The following ANKRD26 variants were observed in gnomAD, a reference collection of about 807,000 sequenced individuals.
ANKRD26 encodes ankyrin repeat domain-containing protein 26.
In ANKRD26, 141 loss-of-function variants were observed where a neutral mutation model predicts 208.7. That is an observed-to-expected ratio of 0.68 (90% CI 0.59 to 0.78). The LOEUF (loss-of-function observed/expected upper bound fraction) is 0.78, where lower values mean the gene tolerates loss of function less well. Ranked by LOEUF, ANKRD26 falls within the 30% of genes least tolerant of loss-of-function variation. The pLI is 0.00. For synonymous variants in ANKRD26, 636 were observed against 660.4 expected (o/e 0.96, Z 0.57); for missense variants, 1,889 against 1,938.7 (o/e 0.97, Z 0.48).
chr10:27,038,407 T>A (rs1427235567), intron 21 of ANKRD26, among the ~76,000 whole-genome samples: 1 of 152,192 alleles, frequency 6.6e-6, no homozygotes, highest in African/African-American at 2.4e-5. Flanking sequence ...CCTATCACTT[T>A]GGGAGGCCGA....
intron 4 of ANKRD26, among the ~76,000 whole-genome samples, chr10:27,091,984 T>TA (rs3060811): frequency 0.033 from 4,591 of 139,638 alleles, 163 homozygotes; most frequent in East Asian, 0.16. Flanking sequence ...AGACTCCATG[T>TA]AAAAAAAAAA....
At chr10:26,953,426 T>C in the ANKRD26 span, among the ~76,000 whole-genome samples, 1 of 152,128 alleles carries the variant, frequency 6.6e-6, no homozygotes, top group East Asian at 1.9e-4. Context: ...AGTGGGACAC[T>C]GTCTCCAAAT....
intron 32 of ANKRD26, among the ~76,000 whole-genome samples, chr10:27,008,503 A>AACT (rs2052972195): frequency 6.6e-6 from 1 of 152,222 alleles, no homozygotes; most frequent in Non-Finnish European, 1.5e-5. Context: ...TGTATTAAGG[A>AACT]ACTACTAATG....
intron 27 of ANKRD26, among the ~76,000 whole-genome samples, chr10:27,024,952 T>C (rs1268094400): frequency 1.3e-5 from 2 of 152,226 alleles, no homozygotes; most frequent in Non-Finnish European, 2.9e-5. Context: ...AAAACTTTCA[T>C]CTGGTTCCCG....
intron 16 of ANKRD26, chr10:27,051,668 G>T: frequency 1.0e-6 from 1 of 985,288 alleles, no homozygotes; most frequent in Non-Finnish European, 1.2e-6. Flanking sequence ...GGGACCCAGA[G>T]TATGAAGGAA....
chr10:27,034,287 C>T (rs899582284), intron 24 of ANKRD26, among the ~76,000 whole-genome samples: 9 of 152,084 alleles, frequency 5.9e-5, no homozygotes, highest in Admixed American at 5.9e-4. Context: ...AATAAAATCA[C>T]ATCAACTGAA....
intron 32 of ANKRD26, among the ~76,000 whole-genome samples, chr10:27,008,361 C>T (rs1460706623): frequency 6.6e-6 from 1 of 151,958 alleles, no homozygotes; most frequent in Non-Finnish European, 1.5e-5. Flanking sequence ...AATAATGTGA[C>T]AATAGCATTA....
intron 11 of ANKRD26, 50 bp from the exon 12 acceptor site, chr10:27,064,131 A>C (rs1305302634): frequency 8.0e-7 from 1 of 1,257,314 alleles, no homozygotes; most frequent in South Asian, 1.3e-5. Flanking sequence ...AAAAGAATGA[A>C]TTGCTAAAGA....
intron 15 of ANKRD26, among the ~76,000 whole-genome samples, chr10:27,054,660 A>C (rs2054781783): frequency 6.6e-6 from 1 of 152,220 alleles, no homozygotes; most frequent in African/African-American, 2.4e-5. Context: ...GAGGTTAGCC[A>C]GACTAAAAGG....
rs1421587396 is a variant in ANKRD26, at chr10:27,029,327, TTCTGTA to T, written c.3831_3836del (p.His1277_Glu1279delinsGln). 1 of 1,612,974 alleles carries T rather than the reference TTCTGTA, an allele frequency of 6.2e-7. No individual in the cohort carries two copies. On this transcript the variant is annotated inframe_deletion, in exon 26 of 34. Coordinates refer to ENST00000376087, the MANE Select transcript of ANKRD26 (RefSeq NM_014915.3). ...GCATCTTCTCAGCACATCTGACAGC[TTCTGTA>T]TGTCGATCCTGTGCTTCTTGCAACT...
chr10:27,003,962 A>G (rs1321267557), downstream of ANKRD26, among the ~76,000 whole-genome samples: 2 of 152,244 alleles, frequency 1.3e-5, no homozygotes, highest in Non-Finnish European at 2.9e-5. Flanking sequence ...ACAATTGGCA[A>G]AATCTGCGTA....
intron 32 of ANKRD26, among the ~76,000 whole-genome samples, chr10:27,011,283 G>A (rs369622369): frequency 1.3e-5 from 2 of 152,150 alleles, no homozygotes; most frequent in Admixed American, 6.5e-5. Context: ...AAGAGACAGG[G>A]TCTTGCTATG....
At chr10:27,078,073 G>A (rs1264723626) in intron 7 of ANKRD26, among the ~76,000 whole-genome samples, 1 of 152,098 alleles carries the variant, frequency 6.6e-6, no homozygotes, top group Non-Finnish European at 1.5e-5. Context: ...TCTGAAATGT[G>A]TATGCATGAT....
chr10:27,060,224 A>C, intron 15 of ANKRD26, 121 bp downstream of exon 15: 1 of 1,030,566 alleles, frequency 9.7e-7, no homozygotes. Flanking sequence ...AATTTTTTTA[A>C]ATCCTTCCAA....
At chr10:26,972,679 C>T (rs539734494), downstream of ANKRD26, among the ~76,000 whole-genome samples, 2 of 151,318 alleles carry the variant, frequency 1.3e-5, no homozygotes, top group East Asian at 3.9e-4. Flanking sequence ...CAAGTTCCGC[C>T]TCCCAGGTTG....
At chr10:26,953,537 A>T in the ANKRD26 span, among the ~76,000 whole-genome samples, 2 of 152,260 alleles carry the variant, frequency 1.3e-5, no homozygotes, top group South Asian at 4.1e-4. Context: ...TGAATTATCC[A>T]AATTATCTTA....
intron 27 of ANKRD26, among the ~76,000 whole-genome samples, chr10:27,027,169 G>A (rs888881136): frequency 1.3e-5 from 2 of 152,204 alleles, no homozygotes; most frequent in African/African-American, 4.8e-5. Flanking sequence ...GTGTTATTCT[G>A]TAATGTCCTG....
At position 27,005,508 on chromosome 10, in the gene ANKRD26, T is replaced by G; in HGVS notation, c.*82A>C. ...ATATATGATACAAAAATACGTTCCT[T>G]TAATATTTTTACATGTCATATATTA... On this transcript the variant is annotated 3_prime_UTR_variant, in exon 34 of 34. Coordinates refer to ENST00000376087, the MANE Select transcript of ANKRD26 (RefSeq NM_014915.3). The G allele has an allele frequency of 1.3e-6, 2 of 1,554,916 alleles. No individual in the cohort carries two copies. Among genetic ancestry groups the G allele is most frequent in the South Asian group, 2.4e-5 (2 of 83,356 alleles).
intron 1 of ANKRD26, among the ~76,000 whole-genome samples, chr10:27,094,604 C>A (rs2056407336): frequency 6.6e-6 from 1 of 152,198 alleles, no homozygotes; most frequent in Non-Finnish European, 1.5e-5. Flanking sequence ...GCACAAATAA[C>A]AGCTCAATAA....
Sources: gnomAD v4.1 joint callset for allele counts (sites outside exome capture counted in the v4.1 genomes callset) on GRCh38, gnomAD v4.1.1 for gene constraint, MANE v1.5 for transcripts, NCBI Gene and HGNC (gene_info 2026-07-23, HGNC 2026-07-21) for gene names.